CYREN: variants seen among roughly 807,000 people sequenced by gnomAD.
CYREN encodes the protein cell cycle regulator of non-homologous end joining.
CYREN carries 7 observed loss-of-function variants against 9.7 expected under a neutral mutation model. The ratio of observed to expected loss-of-function variants is 0.72; its 90% CI spans 0.41 to 1.36. CYREN has a LOEUF of 1.36. CYREN is among the 40% of genes most tolerant of loss of function. The pLI is 0.01. For synonymous variants in CYREN, 76 were observed against 77.9 expected, an observed-to-expected ratio of 0.98 and a Z score of 0.13; for missense variants, 215 against 198.1, an observed-to-expected ratio of 1.09 and a Z score of -0.51.
intron 2 of CYREN, among the ~76,000 whole-genome samples, chr7:135,133,406 C>A (rs1254049067): frequency 6.6e-6 from 1 of 152,152 alleles, no homozygotes; most frequent in African/African-American, 2.4e-5. Context: ...CCAGCAAGAT[C>A]TTTTGTATAT....
chr7:135,170,438 G>A (rs1379980653), intron 1 of CYREN: 1 of 152,316 alleles, frequency 6.6e-6, no homozygotes, highest in Non-Finnish European at 1.5e-5. Flanking sequence ...CGGAGCGGAA[G>A]GCGCGGGCGA....
In CYREN at chr7:135,166,353, GAGA is replaced by G. The variant is rs1830131683; in HGVS notation, c.*255_*257del. 1 of 392,208 alleles carries G rather than the reference GAGA, an allele frequency of 2.5e-6. No individual in the cohort carries two copies. Among genetic ancestry groups the G allele is most frequent in the Non-Finnish European group, 4.5e-6 (1 of 221,584 alleles). 24.3% of individuals were successfully genotyped at this position (392,208 alleles called of 1,614,324 possible). A position where few individuals can be genotyped will look rare whatever the true frequency, so the allele number is the denominator to read the frequency against. ...GGGACTCCAGAGCCTCAAGAGCCAG[GAGA>G]GGGCACAGTACATACAGAGGGAGTC... On this transcript the variant is annotated 3_prime_UTR_variant, in exon 4 of 4. Coordinates refer to ENST00000393114, the MANE Select transcript of CYREN (RefSeq NM_024033.4).
intron 2 of CYREN, among the ~76,000 whole-genome samples, chr7:135,105,070 G>GT (rs71172498): frequency 0.41 from 52,552 of 126,876 alleles, 12,034 homozygotes; most frequent in Middle Eastern, 0.52. Context: ...TTACATTCAA[G>GT]TTTTTTTTTT....
chr7:135,146,454 G>A (rs1829549636), intron 2 of CYREN, among the ~76,000 whole-genome samples: 1 of 152,116 alleles, frequency 6.6e-6, no homozygotes, highest in South Asian at 2.1e-4. Flanking sequence ...TTGAAAAAAT[G>A]GTGCCAATAG....
chr7:135,154,112 G>T (rs944734893), intron 2 of CYREN, among the ~76,000 whole-genome samples: 7 of 152,082 alleles, frequency 4.6e-5, no homozygotes, highest in African/African-American at 1.7e-4. Context: ...TTTCTAGTTT[G>T]TGAGCATGCA....
chr7:135,117,504 C>A (rs897490531), intron 2 of CYREN, among the ~76,000 whole-genome samples: 6 of 152,194 alleles, frequency 3.9e-5, no homozygotes, highest in African/African-American at 1.4e-4. Flanking sequence ...AAAGTGTGAT[C>A]TTCTCATTCT....
At chr7:135,130,970 C>G (rs1480702730) in intron 2 of CYREN, among the ~76,000 whole-genome samples, 1 of 152,108 alleles carries the variant, frequency 6.6e-6, no homozygotes, top group East Asian at 1.9e-4. Context: ...AGCTTGAGAA[C>G]ATATTGTTTT....
chr7:135,167,223 G>T, intron 3 of CYREN: 1 of 1,117,542 alleles, frequency 8.9e-7, no homozygotes. Flanking sequence ...ACTAGGAAAA[G>T]TCCCACACCA....
At chr7:135,164,355 G>A (rs1023760740), downstream of CYREN, 8 of 1,328,110 alleles carry the variant, frequency 6.0e-6, no homozygotes, top group Admixed American at 3.9e-5. Context: ...GAGAACATGA[G>A]CTTGTCTGGA....
chr7:135,148,321 T>C (rs1829591114), intron 2 of CYREN: 1 of 335,988 alleles, frequency 3.0e-6, no homozygotes, highest in East Asian at 8.3e-5. Flanking sequence ...TCTACTACCT[T>C]GTAAGACAAT....
chr7:135,119,234 A>T (rs12539783), intron 2 of CYREN, among the ~76,000 whole-genome samples: 35,484 of 148,044 alleles, frequency 0.24, 5,117 homozygotes, highest in South Asian at 0.42. Context: ...CAAAATTTAA[A>T]TTTTTTTTTT....
chr7:135,148,083 T>A (rs1438886076), intron 2 of CYREN: 2 of 456,120 alleles, frequency 4.4e-6, no homozygotes, highest in Non-Finnish European at 8.8e-6. Context: ...GAGAGCTGTT[T>A]ACTAGGCACG....
intron 2 of CYREN, among the ~76,000 whole-genome samples, chr7:135,114,358 G>T (rs1585196562): frequency 1.3e-5 from 2 of 152,072 alleles, no homozygotes; most frequent in African/African-American, 4.8e-5. Context: ...GCCAGCACTT[G>T]TTATTTTCTG....
chr7:135,096,100 T>C (rs1237260210), intron 2 of CYREN, among the ~76,000 whole-genome samples: 2 of 151,444 alleles, frequency 1.3e-5, no homozygotes, highest in Admixed American at 1.3e-4. Context: ...TGCAGTGAGC[T>C]GAGATCATGC....
intron 2 of CYREN, among the ~76,000 whole-genome samples, chr7:135,121,866 G>T (rs1316159626): frequency 2.0e-5 from 3 of 152,144 alleles, no homozygotes; most frequent in Non-Finnish European, 4.4e-5. Flanking sequence ...CTACCCAGCC[G>T]GGGAAACCGT....
At chr7:135,163,662 C>T (rs548133877), downstream of CYREN, among the ~76,000 whole-genome samples, 1 of 152,256 alleles carries the variant, frequency 6.6e-6, no homozygotes, top group African/African-American at 2.4e-5. Context: ...AACAAACAAA[C>T]AAAAACGTCT....
At chr7:135,164,845 TCTC>T (rs1312766642), downstream of CYREN, 5 of 1,613,822 alleles carry the variant, frequency 3.1e-6, no homozygotes, top group East Asian at 2.2e-5. Flanking sequence ...GGCCTCTTCC[TCTC>T]CTATGTGTGG....
At chr7:135,124,312 T>C (rs541228987) in intron 2 of CYREN, among the ~76,000 whole-genome samples, 1 of 151,896 alleles carries the variant, frequency 6.6e-6, no homozygotes, top group South Asian at 2.1e-4. Context: ...GGGTATTACA[T>C]AATGGTAAAG....
At chr7:135,134,048 A>C (rs1307088064) in intron 2 of CYREN, among the ~76,000 whole-genome samples, 2 of 152,272 alleles carry the variant, frequency 1.3e-5, no homozygotes, top group East Asian at 3.9e-4. Context: ...ATAATAGATT[A>C]ATAATGGTTG....
Sources: gnomAD v4.1 joint callset for allele counts (sites outside exome capture counted in the v4.1 genomes callset) on GRCh38, gnomAD v4.1.1 for gene constraint, MANE v1.5 for transcripts, NCBI Gene and HGNC (gene_info 2026-07-23, HGNC 2026-07-21) for gene names.